Variants in HIVEP3 observed in about 807,000 individuals in gnomAD.
HIVEP3 encodes the protein HIVEP zinc finger 3.
In HIVEP3, 49 loss-of-function variants were observed where a neutral mutation model predicts 152.8. The observed-to-expected ratio is 0.32, with a 90% confidence interval of 0.26 to 0.41. The LOEUF is 0.41. Among genes scored for constraint, HIVEP3 ranks in the 10% least tolerant of loss-of-function variants. HIVEP3 has a pLI of 1.00. For synonymous variants in HIVEP3, 1,269 were observed against 1,289.0 expected (o/e 0.98, Z 0.33); for missense variants, 2,790 against 3,103.3 (o/e 0.90, Z 2.40).
At chr1:41,746,089 G>A (rs1166152795) in intron 1 of HIVEP3, among the ~76,000 whole-genome samples, 1 of 152,162 alleles carries the variant, frequency 6.6e-6, no homozygotes, top group Non-Finnish European at 1.5e-5. Flanking sequence ...CCACCCTTTT[G>A]TTCCACTCTG....
intron 2 of HIVEP3, among the ~76,000 whole-genome samples, chr1:41,666,701 T>C (rs1470572829): frequency 1.3e-5 from 2 of 152,138 alleles, no homozygotes; most frequent in Non-Finnish European, 2.9e-5. Flanking sequence ...CACCAACAAG[T>C]TCCAACAGCC....
intron 3 of HIVEP3, among the ~76,000 whole-genome samples, chr1:41,615,474 T>G (rs1644954846): frequency 1.3e-5 from 2 of 152,044 alleles, no homozygotes; most frequent in African/African-American, 2.4e-5. Flanking sequence ...GTTTGACAGG[T>G]GAAGATGCTG....
At chr1:41,707,539 G>T (rs983990146) in intron 1 of HIVEP3, among the ~76,000 whole-genome samples, 3 of 152,202 alleles carry the variant, frequency 2.0e-5, no homozygotes, top group African/African-American at 4.8e-5. Context: ...TCTCTGGCGG[G>T]TGGATATGCC....
intron 1 of HIVEP3, among the ~76,000 whole-genome samples, chr1:41,911,620 T>C (rs376732121): frequency 3.3e-4 from 51 of 152,292 alleles, no homozygotes; most frequent in African/African-American, 9.9e-4. Context: ...CTATTTATAA[T>C]AGCAAAATAC....
intron 1 of HIVEP3, among the ~76,000 whole-genome samples, chr1:41,836,464 A>G (rs670171): frequency 0.77 from 117,301 of 152,126 alleles, 45,574 homozygotes; most frequent in East Asian, 1. Flanking sequence ...TGGGCGTCAC[A>G]GGGCAACTTC....
chr1:41,722,910 G>C (rs908005948), intron 1 of HIVEP3, among the ~76,000 whole-genome samples: 6 of 152,166 alleles, frequency 3.9e-5, no homozygotes, highest in Non-Finnish European at 7.3e-5. Context: ...CAGAGAGAGA[G>C]ATGCATGTGT....
At chr1:41,922,639 G>C (rs987302501), upstream of HIVEP3, among the ~76,000 whole-genome samples, 4 of 152,122 alleles carry the variant, frequency 2.6e-5, no homozygotes, top group Admixed American at 1.3e-4. Context: ...ATTGTTAGAA[G>C]TCTTGAAAGA....
intron 5 of HIVEP3, among the ~76,000 whole-genome samples, chr1:41,545,018 TACCACC>T (rs1166539165): frequency 4.5e-3 from 146 of 32,674 alleles, no homozygotes; most frequent in African/African-American, 0.018. Context: ...CCACCACCAC[TACCACC>T]ACCACCACCA....
At position 41,575,648 on chromosome 1, in the gene HIVEP3, A is replaced by T. The variant is rs1360876945; in HGVS notation, c.5103T>A (p.Asp1701Glu). The change falls in exon 5 of 9, where the codon GAT becomes GAA. Residue 1701 changes from aspartate to glutamate, a missense_variant. By Grantham distance (45) the Asp-to-Glu change is conservative. Around this residue, in one of 9 missense-constraint regions of HIVEP3, gnomAD observed 1,078 missense variants for 1,165.3 expected, o/e 0.93. Coordinates refer to ENST00000372583, the MANE Select transcript of HIVEP3 (RefSeq NM_024503.5). ...PSLVSPEGQKDLARVEKEEER... is the reference protein window; with the variant it reads ...PSLVSPEGQKELARVEKEEER... ...CTTCTTCCTTCTCCACTCTAGCTAG[A>T]TCTTTCTGGCCTTCCGGGGAAACCA... The T allele has an allele frequency of 1.9e-6, 3 of 1,613,930 alleles. No individual in the cohort carries two copies. Among genetic ancestry groups the T allele is most frequent in the Non-Finnish European group, 2.5e-6 (3 of 1,179,998 alleles).
At chr1:41,612,067 G>A (rs755789923) in intron 3 of HIVEP3, among the ~76,000 whole-genome samples, 16 of 140,588 alleles carry the variant, frequency 1.1e-4, no homozygotes, top group Non-Finnish European at 2.2e-4. Flanking sequence ...CACTCCTCCC[G>A]CCTCCCCACC....
intron 5 of HIVEP3, among the ~76,000 whole-genome samples, chr1:41,537,711 G>C (rs1643433463): frequency 6.6e-6 from 1 of 152,250 alleles, no homozygotes; most frequent in African/African-American, 2.4e-5. Flanking sequence ...GGGTCATGGG[G>C]AAAGTTCACA....
chr1:41,645,317 G>A (rs910127810), intron 2 of HIVEP3, among the ~76,000 whole-genome samples: 3 of 152,154 alleles, frequency 2.0e-5, no homozygotes, highest in Non-Finnish European at 4.4e-5. Flanking sequence ...ACACAGGGAG[G>A]GAGAGAAGAT....
intron 1 of HIVEP3, among the ~76,000 whole-genome samples, chr1:41,742,448 G>C (rs192037038): frequency 9.2e-5 from 14 of 152,328 alleles, no homozygotes; most frequent in Admixed American, 5.2e-4. Context: ...ATGTGGAGAG[G>C]AAGAGCACTG....
Position 41,584,597 on chromosome 1 carries a change from C to T in HIVEP3, c.201G>A (p.Arg67=). The change falls in exon 4 of 9, where the codon AGG becomes AGA. Residue 67 remains arginine, a synonymous_variant. Transcript: ENST00000372583. The surrounding 1 kb of genome is among the most constrained non-coding windows in gnomAD (Gnocchi z 5.2). ...QPFPGPSSVL[R]EGSQEKTGQQ... is the part of the protein sequence containing the mutation. The stretch of plus-strand genomic sequence containing the variant: ...GGCCCGTTTTCTCCTGAGAGCCTTC[C>T]CTAAGAACTGATGAGGGGCCCGGGA... The T allele has an allele frequency of 1.2e-6, 2 of 1,613,532 alleles. No individual in the cohort carries two copies. Among genetic ancestry groups the T allele is most frequent in the Non-Finnish European group, 1.7e-6 (2 of 1,179,638 alleles).
intron 5 of HIVEP3, among the ~76,000 whole-genome samples, chr1:41,529,262 A>T (rs534287838): frequency 2.3e-5 from 2 of 88,790 alleles, no homozygotes; most frequent in African/African-American, 4.7e-5. Context: ...TTACCTTCAC[A>T]CTCACACATG....
At chr1:41,539,967 T>C (rs918935680) in intron 5 of HIVEP3, among the ~76,000 whole-genome samples, 1 of 152,222 alleles carries the variant, frequency 6.6e-6, no homozygotes, top group South Asian at 2.1e-4. Flanking sequence ...ATAGCAGGTA[T>C]TGAGGCAGAA....
chr1:41,928,441 G>T (rs1644978901), intron 1 of HIVEP3, among the ~76,000 whole-genome samples: 1 of 152,156 alleles, frequency 6.6e-6, no homozygotes, highest in Admixed American at 6.5e-5. Flanking sequence ...CCTTTACCCA[G>T]TTTTCACTAA....
chr1:41,822,447 G>A (rs1642635418), intron 1 of HIVEP3, among the ~76,000 whole-genome samples: 1 of 152,182 alleles, frequency 6.6e-6, no homozygotes, highest in East Asian at 1.9e-4. Flanking sequence ...ACTGTTGACT[G>A]CCATCCAGAA....
intron 1 of HIVEP3, among the ~76,000 whole-genome samples, chr1:41,818,948 A>G (rs1232691991): frequency 2.0e-5 from 3 of 152,178 alleles, no homozygotes; most frequent in Non-Finnish European, 2.9e-5. Flanking sequence ...ATCAGAGTGA[A>G]TGAATCCTTG....
Sources: allele counts gnomAD v4.1 joint callset (sites outside exome capture counted in the v4.1 genomes callset), GRCh38; gene constraint gnomAD v4.1.1; regional missense constraint gnomAD v4.1.1; non-coding constraint Gnocchi (gnomAD v3.1); transcripts MANE v1.5; gene names NCBI Gene and HGNC (gene_info 2026-07-23, HGNC 2026-07-21).